ABCA2: variants seen among roughly 807,000 people sequenced by gnomAD.
The protein encoded by ABCA2 is ATP-binding cassette sub-family A member 2.
A neutral mutation model predicts 262.8 loss-of-function variants in ABCA2; 84 were observed. The observed-to-expected ratio is 0.32, with a 90% CI of 0.27 to 0.38. The LOEUF is 0.38. Among genes scored for constraint, ABCA2 ranks in the 10% least tolerant of loss-of-function variants. ABCA2 has a pLI of 1.00. For synonymous variants in ABCA2, 1,696 were observed against 1,502.9 expected (o/e 1.13, Z -2.97); for missense variants, 2,662 against 3,405.9 (o/e 0.78, Z 5.44).
rs777780401 is a variant in ABCA2 at position 137,016,567 on chromosome 9, G to A, written c.2923+7C>T. The A allele has an allele frequency of 6.2e-7, 1 of 1,612,226 alleles. No individual in the cohort carries two copies. The highest frequency in any genetic ancestry group is 1.1e-5 in the South Asian group (1 of 91,080). On this transcript the variant is annotated splice_region_variant and intron_variant, in intron 20 of 48. Transcript: ENST00000341511. ...CACCCCAGCCACCATTCTGATGCCA[G>A]CCTCACCAAAGCGCCGGCTCTCCAT...
Position 137,021,367 on chromosome 9 carries a change from G to T in ABCA2, c.897+25C>A. The T allele has an allele frequency of 6.3e-7, 1 of 1,598,542 alleles. No homozygotes were observed. Among genetic ancestry groups the T allele is most frequent in the Non-Finnish European group, 8.5e-7 (1 of 1,177,254 alleles). On this transcript the variant is annotated intron_variant, in intron 8 of 48. Coordinates refer to ENST00000341511, the MANE Select transcript of ABCA2 (RefSeq NM_001606.5). The surrounding 1 kb of genome is among the most constrained non-coding windows in gnomAD (Gnocchi z 6.0). ...CAACTCAGGCAGCAAGCAGCGCAGC[G>T]GGCAGTGGGCAGGCAGGGCCTCACC...
chr9:137,016,868 C>A (rs1831276215), intron 19 of ABCA2, 52 bp downstream of exon 19: 2 of 1,597,070 alleles, frequency 1.3e-6, no homozygotes, highest in Admixed American at 1.7e-5. Flanking sequence ...TGGTCCCCAA[C>A]CCTGGCTGGG....
In ABCA2 at chr9:137,022,019, A is replaced by ATGGCTCAGATGGAGGTG. The variant is rs1831471690; in HGVS notation, c.568-19_568-18insCACCTCCATCTGAGCCA. On this transcript the variant is annotated intron_variant, in intron 6 of 48. Coordinates refer to ENST00000341511, the MANE Select transcript of ABCA2 (RefSeq NM_001606.5). ...TGGTAGACCTAGGAGGTGTGGGGGA[A>ATGGCTCAGATGGAGGTG]TGGCTCAGATGGGGTGTGGGGGGCG... The ATGGCTCAGATGGAGGTG allele has an allele frequency of 4.5e-6, 6 of 1,327,948 alleles. No homozygotes were observed. The South Asian group carries it at 7.9e-5, about 17-fold the overall frequency. The allele number at this position is 1,327,948 out of a possible 1,614,324, so 82.3% of individuals were successfully genotyped here. A position where few individuals can be genotyped will look rare whatever the true frequency, so the allele number is the denominator to read the frequency against.
At position 137,012,759 on chromosome 9, in the gene ABCA2, A is replaced by G; in HGVS notation, c.5034T>C (p.Asn1678=). ...GDILTDITGH[N]VSEYLLFTSD... is the part of the protein sequence containing the mutation. ...AGGTGAAGAGCAGGTACTCAGAGACATTGTGGCCGGTGATGTCGGTCAGGA... is the reference window on the plus strand; with the variant it reads ...AGGTGAAGAGCAGGTACTCAGAGACGTTGTGGCCGGTGATGTCGGTCAGGA... The change falls in exon 31 of 49, where the codon AAT becomes AAC. Residue 1678 remains asparagine, a synonymous_variant. Transcript: ENST00000341511. 2 of 1,612,626 alleles carry G rather than the reference A, an allele frequency of 1.2e-6. No homozygotes were observed. Among genetic ancestry groups the G allele is most frequent in the Non-Finnish European group, 1.7e-6 (2 of 1,179,900 alleles).
In ABCA2 at chr9:137,013,161, G is replaced by A. The variant is rs1052125396; in HGVS notation, c.4708C>T (p.Arg1570Trp). ...TCCAGACACATGCTGTCGAAGAACC[G>A]AGCCGCCAGCAGGCGCGACTCCCCG... The part of the protein sequence containing the change: ...SSGESRLLAA[R>W]FFDSMCLESF... Residue 1570 changes from arginine (R) to tryptophan (W), a missense_variant, in exon 30 of 49, where the codon CGG becomes TGG. Arg to Trp is a moderately radical substitution (Grantham distance 101, BLOSUM62 -3). Coordinates refer to ENST00000341511, the MANE Select transcript of ABCA2 (RefSeq NM_001606.5). The A allele has an allele frequency of 4.4e-6, 7 of 1,600,144 alleles. No homozygotes were observed. Among genetic ancestry groups the A allele is most frequent in the African/African-American group, 2.7e-5 (2 of 74,678 alleles).
intron 1 of ABCA2, among the ~76,000 whole-genome samples, chr9:137,026,121 C>G (rs1437514803): frequency 6.6e-6 from 1 of 152,204 alleles, no homozygotes; most frequent in Non-Finnish European, 1.5e-5. Context: ...GTGACCCTGT[C>G]CCTGCACCAA....
chr9:137,023,685 C>T, intron 3 of ABCA2, 153 bp downstream of exon 3: 1 of 688,444 alleles, frequency 1.5e-6, no homozygotes, highest in Non-Finnish European at 2.7e-6. Context: ...TCACTGCCTG[C>T]CACCCCCCAT....
intron 32 of ABCA2, 33 bp from the exon 33 acceptor site, chr9:137,012,409 G>C: frequency 6.2e-7 from 1 of 1,609,182 alleles, no homozygotes; most frequent in Non-Finnish European, 8.5e-7. Context: ...AAAGGCCCCA[G>C]GACCTCAGAC....
chr9:137,018,214 G>A lies in ABCA2; in HGVS notation c.1957C>T (p.Arg653Cys), dbSNP rs970695796. The A allele has an allele frequency of 1.9e-6, 3 of 1,611,492 alleles. No homozygotes were observed. The highest frequency in any genetic ancestry group is 2.2e-5 in the South Asian group (2 of 91,034). ...YWRPGPNTGG[R>C]FYFLYGFVWI... The stretch of plus-strand genomic sequence containing the variant: ...ACGAAGCCGTAGAGGAAGTAGAAGC[G>A]GCCGCCAGTATTGGGCCCAGGCCGC... Residue 653 changes from arginine to cysteine, a missense_variant, in exon 14 of 49, where the codon CGC (arginine) becomes TGC (cysteine). Arg to Cys is a radical substitution (Grantham distance 180). This residue lies in a region of ABCA2 where 187 missense variants were observed against 205.9 expected (regional missense o/e 0.91). Coordinates refer to ENST00000341511, the MANE Select transcript of ABCA2 (RefSeq NM_001606.5).
chr9:137,021,284 C>T lies in ABCA2; in HGVS notation c.897+108G>A. The T allele has an allele frequency of 7.1e-7, 1 of 1,408,646 alleles. No individual in the cohort carries two copies. Among genetic ancestry groups the T allele is most frequent in the Non-Finnish European group, 9.6e-7 (1 of 1,044,198 alleles). The allele number at this position is 1,408,646 out of a possible 1,614,324, so 87.3% of individuals were successfully genotyped here. A position where few individuals can be genotyped will look rare whatever the true frequency, so the allele number is the denominator to read the frequency against. On this transcript the variant is annotated intron_variant, in intron 8 of 48. Transcript: ENST00000341511. The surrounding 1 kb of genome is among the most constrained non-coding windows in gnomAD (Gnocchi z 6.0). ...TGGATACCCACCCACAGGCAGCATC[C>T]CACGCACAGCCTGGGCCCAGGAGCC...
rs750413012 is a variant in ABCA2 at position 137,017,880 on chromosome 9, G to A, written c.2118C>T (p.His706=). The change falls in exon 16 of 49, where the codon CAC becomes CAT. Residue 706 remains histidine (H), a synonymous_variant. Coordinates refer to ENST00000341511, the MANE Select transcript of ABCA2 (RefSeq NM_001606.5). ...TRDDFLFVIE[H]MMPLCMVISW... The stretch of plus-strand genomic sequence containing the variant: ...AGATCACCATGCACAGCGGCATCAT[G>A]TGCTCAATGACAAACAGGAAGCTGC... 9.9e-6 allele frequency: 16 copies of A among 1,612,512 alleles called. No homozygotes were observed. The highest frequency in any genetic ancestry group is 2.2e-5 in the East Asian group (1 of 44,888).
rs367976118 is a variant in ABCA2, at chr9:137,008,539, G to A, written c.7152C>T (p.Leu2384=). ...TEPPSALQSP[L]GCLLSLLRPR... ...GCCGGAGCAGGCTGAGCAAGCAGCC[G>A]AGAGGGGACTGCAGTGCGGATGGCG... The change falls in exon 48 of 49, where the codon CTC becomes CTT. Residue 2384 remains leucine (L), a synonymous_variant. Transcript: ENST00000341511. 27 of 1,603,236 alleles carry A rather than the reference G, an allele frequency of 1.7e-5. No homozygotes were observed. The highest frequency in any genetic ancestry group is 2.2e-5 in the South Asian group (2 of 89,130).
At position 137,011,598 on chromosome 9, in the gene ABCA2, C is replaced by CTGAGGT; in HGVS notation, c.5651+35_5651+36insACCTCA. 1 of 1,555,454 alleles carries CTGAGGT rather than the reference C, an allele frequency of 6.4e-7. No individual in the cohort carries two copies. The highest frequency in any genetic ancestry group is 8.7e-7 in the Non-Finnish European group (1 of 1,149,952). On this transcript the variant is annotated intron_variant, in intron 36 of 48. Transcript: ENST00000341511. The surrounding 1 kb of genome is among the most constrained non-coding windows in gnomAD (Gnocchi z 8.8). ...CAGTGGTCACCAGGCAGCCCCGGTC[C>CTGAGGT]CACCTGAGGCCGCTCCCCCCTCCGC...
Position 137,011,616 on chromosome 9 carries a change from C to A in ABCA2, c.5651+18G>T, listed in dbSNP as rs1342136850. ...CCCGGTCCCACCTGAGGCCGCTCCC[C>A]CCTCCGCTTCCGCTTACCCATAGAG... On this transcript the variant is annotated intron_variant, in intron 36 of 48. Coordinates refer to ENST00000341511, the MANE Select transcript of ABCA2 (RefSeq NM_001606.5). This position sits in a 1 kb window ranked among gnomAD's most constrained non-coding sequence, Gnocchi z 8.8. 3 of 1,552,664 alleles carry A rather than the reference C, an allele frequency of 1.9e-6. No homozygotes were observed. The highest frequency in any genetic ancestry group is 2.0e-5 in the Admixed American group (1 of 51,178).
chr9:137,008,944 G>T lies in ABCA2; in HGVS notation c.6930+7C>A. 7.0e-7 allele frequency: 1 copy of T among 1,427,030 alleles called. No homozygotes were observed. The highest frequency in any genetic ancestry group is 1.1e-5 in the South Asian group (1 of 87,332). The allele number at this position is 1,427,030 out of a possible 1,614,324, so 88.4% of individuals were successfully genotyped here. On this transcript the variant is annotated splice_region_variant and intron_variant, in intron 46 of 48. Transcript: ENST00000341511. ...CCCCCTCCACAACCCTGCCCGGGAC[G>T]GCGCACCTTGAGCATGGCTTCCGGG...
rs1390472288 is a variant in ABCA2, at chr9:137,021,902, A to G, written c.667T>C (p.Phe223Leu). Residue 223 changes from phenylalanine to leucine, a missense_variant, in exon 7 of 49, where the codon TTC becomes CTC. By Grantham distance (22) the Phe-to-Leu change is conservative. Coordinates refer to ENST00000341511, the MANE Select transcript of ABCA2 (RefSeq NM_001606.5). This position sits in a 1 kb window ranked among gnomAD's most constrained non-coding sequence, Gnocchi z 6.0. The part of the protein sequence containing the change: ...PWSRLGGNPL[F>L]RMEELLLAPA... ...ATGGATGCCCTCACCTCCATCCGGA[A>G]CAGGGGATTGCCCCCTAGGCGGCTC... The G allele has an allele frequency of 1.3e-6, 2 of 1,598,034 alleles. No homozygotes were observed. Among genetic ancestry groups the G allele is most frequent in the East Asian group, 4.5e-5 (2 of 44,306 alleles).
upstream of ABCA2, chr9:137,028,318 C>G: frequency 5.3e-6 from 5 of 949,816 alleles, no homozygotes; most frequent in Middle Eastern, 5.3e-4. The surrounding 1 kb of genome is among the most constrained non-coding windows in gnomAD (Gnocchi z 6.9). Flanking sequence ...ACTCTGCCCG[C>G]GCCCCGCCCG....
rs1256212697 is a variant in ABCA2, at chr9:137,021,225, G to A, written c.898-164C>T. 2.6e-5 allele frequency among the ~76,000 whole-genome samples: 4 copies of A among 152,166 alleles called. No individual in the cohort carries two copies. Among genetic ancestry groups the A allele is most frequent in the Non-Finnish European group, 5.9e-5 (4 of 68,002 alleles). On this transcript the variant is annotated intron_variant, in intron 8 of 48. Coordinates refer to ENST00000341511, the MANE Select transcript of ABCA2 (RefSeq NM_001606.5). This position sits in a 1 kb window ranked among gnomAD's most constrained non-coding sequence, Gnocchi z 6.0. The stretch of plus-strand genomic sequence containing the variant: ...GGAGCCCAGGACAGGAGCTGGGATG[G>A]TGAGCAGGAGTGGGGCACCAGCCAT...
In ABCA2 at chr9:137,012,247, C is replaced by T. The variant is rs748286840; in HGVS notation, c.5299+18G>A. ...CAGCTCCTCCCCGCCCCGCCCCGCCCTGCCTATGTCAGCTCACCGTAAGCC... is the reference window on the plus strand; with the variant it reads ...CAGCTCCTCCCCGCCCCGCCCCGCCTTGCCTATGTCAGCTCACCGTAAGCC... On this transcript the variant is annotated intron_variant, in intron 33 of 48. Transcript: ENST00000341511. 2 of 1,601,412 alleles carry T rather than the reference C, an allele frequency of 1.2e-6. No homozygotes were observed. Among genetic ancestry groups the T allele is most frequent in the African/African-American group, 2.7e-5 (2 of 74,646 alleles).
Sources: gnomAD v4.1 joint callset for allele counts (sites outside exome capture counted in the v4.1 genomes callset) on GRCh38, gnomAD v4.1.1 for gene constraint, gnomAD v4.1.1 regional missense constraint, Gnocchi (gnomAD v3.1) non-coding constraint, MANE v1.5 for transcripts, NCBI Gene and HGNC (gene_info 2026-07-23, HGNC 2026-07-21) for gene names.